The following ADGRV1 variants were observed in gnomAD, a reference collection of about 807,000 sequenced individuals.
ADGRV1 encodes the protein adhesion G protein-coupled receptor V1.
A neutral mutation model predicts 596.2 loss-of-function variants in ADGRV1; 359 were observed. The observed-to-expected ratio is 0.60, with a 90% confidence interval of 0.55 to 0.66. The LOEUF is 0.66. Among genes scored for constraint, ADGRV1 ranks in the 30% least tolerant of loss-of-function variants. The pLI is 0.00. For missense variants in ADGRV1, 7,274 were observed against 7,575.6 expected, an observed-to-expected ratio of 0.96 and a Z score of 1.48; for synonymous variants, 2,681 against 2,679.2, an observed-to-expected ratio of 1.00 and a Z score of -0.02.
chr5:90,900,947 A>AT (rs75371831), intron 83 of ADGRV1, among the ~76,000 whole-genome samples: 1 of 151,890 alleles, frequency 6.6e-6, no homozygotes, highest in South Asian at 2.1e-4. Context: ...TTGTTTTCAG[A>AT]TTTTTTCCCC....
intron 17 of ADGRV1, among the ~76,000 whole-genome samples, chr5:90,650,727 G>A (rs1224345057): frequency 6.6e-6 from 1 of 151,174 alleles, no homozygotes; most frequent in Non-Finnish European, 1.5e-5. Flanking sequence ...GTATGTGTAT[G>A]TGTGTGTGTG....
chr5:91,164,331 G>T lies in ADGRV1; in HGVS notation c.*431G>T. On this transcript the variant is annotated 3_prime_UTR_variant, in exon 90 of 90. Coordinates refer to ENST00000405460, the MANE Select transcript of ADGRV1 (RefSeq NM_032119.4). ...TGTGCCATCTTGCATGAATCCAGGTGATCCAGATTCAAGACTTCACTGCAA... is the reference window on the plus strand; with the variant it reads ...TGTGCCATCTTGCATGAATCCAGGTTATCCAGATTCAAGACTTCACTGCAA... 1 of 248,458 alleles carries T rather than the reference G, an allele frequency of 4.0e-6. No individual in the cohort carries two copies. Among genetic ancestry groups the T allele is most frequent in the Non-Finnish European group, 8.1e-6 (1 of 123,476 alleles). The allele number at this position is 248,458 out of a possible 1,614,324, so 15.4% of individuals were successfully genotyped here.
At chr5:90,759,331 C>T in intron 57 of ADGRV1, 78 bp from the exon 58 acceptor site, 1 of 1,082,404 alleles carries the variant, frequency 9.2e-7, no homozygotes, top group Non-Finnish European at 1.3e-6. Flanking sequence ...ACTGTGATTA[C>T]ATTATTTCTT....
chr5:91,103,889 T>C (rs1207579653), intron 87 of ADGRV1, among the ~76,000 whole-genome samples: 1 of 152,132 alleles, frequency 6.6e-6, no homozygotes, highest in East Asian at 1.9e-4. Context: ...ATGACTAATC[T>C]CGCCTAGATT....
intron 59 of ADGRV1, 119 bp from the exon 60 acceptor site, chr5:90,774,067 T>C (rs1292434203): frequency 2.3e-6 from 1 of 432,372 alleles, no homozygotes; most frequent in Non-Finnish European, 4.2e-6. Context: ...GTAATTCTAG[T>C]GACAAAAAAG....
At position 91,153,105 on chromosome 5, in the gene ADGRV1, C is replaced by T. The variant is rs1304549143; in HGVS notation, c.18625-116C>T. 4.0e-5 allele frequency: 30 copies of T among 746,872 alleles called. 1 individual carries two copies. In the East Asian group the frequency reaches 6.1e-4, roughly 15 times the overall value. 46.3% of individuals were successfully genotyped at this position (746,872 alleles called of 1,614,324 possible). A position where few individuals can be genotyped will look rare whatever the true frequency, so the allele number is the denominator to read the frequency against. ...TCTAGTTTCAAAACAATGCCACTGC[C>T]GTTTAGCAAGGTCTTTGTACGGAGA... On this transcript the variant is annotated intron_variant, in intron 88 of 89. Transcript: ENST00000405460.
At chr5:90,569,415 T>TTTTTTTTTTTTTTTC (rs1295993815) in intron 1 of ADGRV1, among the ~76,000 whole-genome samples, 4 of 105,646 alleles carry the variant, frequency 3.8e-5, no homozygotes, top group African/African-American at 1.8e-4. Flanking sequence ...TTTTTTTTTT[T>TTTTTTTTTTTTTTTC]CTCATTCTTA....
At chr5:90,568,615 G>T (rs1007893845) in intron 1 of ADGRV1, among the ~76,000 whole-genome samples, 1 of 152,134 alleles carries the variant, frequency 6.6e-6, no homozygotes, top group African/African-American at 2.4e-5. Flanking sequence ...CTATAGATGT[G>T]TATTAGGTCT....
chr5:90,778,717 A>G (rs1028074754), intron 63 of ADGRV1, 108 bp downstream of exon 63: 4 of 1,068,958 alleles, frequency 3.7e-6, no homozygotes, highest in African/African-American at 1.6e-5. Context: ...TTTGCTCCAA[A>G]CATCATTATT....
chr5:90,584,839 AC>A lies in ADGRV1; in HGVS notation c.22+25925del, dbSNP rs1758540082. Among the ~76,000 whole-genome samples, 3 of 152,170 alleles carry A rather than the reference AC, an allele frequency of 2.0e-5. No individual in the cohort carries two copies. In the South Asian group the frequency reaches 6.2e-4, roughly 32 times the overall value. ...ATTTTATTGTTCAAGTGGCCATAGAACCCACGTTTAAGAAGAGGGGATAAAC... is the reference window on the plus strand; with the variant it reads ...ATTTTATTGTTCAAGTGGCCATAGAACCACGTTTAAGAAGAGGGGATAAAC... On this transcript the variant is annotated intron_variant, in intron 1 of 89. Transcript: ENST00000405460.
chr5:91,028,803 A>G (rs905809374), intron 85 of ADGRV1, among the ~76,000 whole-genome samples: 21 of 142,928 alleles, frequency 1.5e-4, no homozygotes, highest in East Asian at 2.2e-4. Context: ...CAGTAGTGCA[A>G]TCATGTCTCA....
chr5:91,103,223 C>T (rs1791548322), intron 87 of ADGRV1, among the ~76,000 whole-genome samples: 1 of 152,094 alleles, frequency 6.6e-6, no homozygotes, highest in African/African-American at 2.4e-5. Context: ...TAATCAAGGA[C>T]ATTATCAACT....
chr5:91,102,657 A>T (rs1333000670), intron 87 of ADGRV1, among the ~76,000 whole-genome samples: 2 of 152,220 alleles, frequency 1.3e-5, no homozygotes, highest in East Asian at 3.8e-4. Flanking sequence ...AATGGCAGTC[A>T]TGTAAGATCA....
chr5:91,009,349 G>C (rs562295651), intron 85 of ADGRV1, among the ~76,000 whole-genome samples: 31 of 152,212 alleles, frequency 2.0e-4, no homozygotes, highest in African/African-American at 7.2e-4. Context: ...TTGCAATTCT[G>C]CCACAGGTCT....
chr5:90,942,366 T>C (rs1776232269), intron 83 of ADGRV1, among the ~76,000 whole-genome samples: 1 of 152,118 alleles, frequency 6.6e-6, no homozygotes, highest in Non-Finnish European at 1.5e-5. Flanking sequence ...AGGCTATAAC[T>C]TGAGTTATTC....
At chr5:90,731,848 AT>A (rs1399357244) in intron 50 of ADGRV1, among the ~76,000 whole-genome samples, 1 of 152,210 alleles carries the variant, frequency 6.6e-6, no homozygotes. Context: ...AATGACAGCA[AT>A]ATACTCATTA....
intron 83 of ADGRV1, chr5:90,929,725 A>G (rs1256281685): frequency 2.0e-5 from 3 of 152,090 alleles, no homozygotes; most frequent in Non-Finnish European, 4.4e-5. Flanking sequence ...TATTCTTTTT[A>G]TGTTACTATT....
chr5:90,594,502 T>TG, intron 1 of ADGRV1, among the ~76,000 whole-genome samples: 1 of 132,890 alleles, frequency 7.5e-6, no homozygotes, highest in African/African-American at 3.7e-5. Context: ...TTTTTTTTTT[T>TG]TTTTAATCAT....
intron 83 of ADGRV1, among the ~76,000 whole-genome samples, chr5:90,910,300 C>T (rs1468049619): frequency 6.6e-6 from 1 of 152,190 alleles, no homozygotes; most frequent in Non-Finnish European, 1.5e-5. Context: ...TCAGATATAA[C>T]CGAACTTCTA....
Sources: allele counts gnomAD v4.1 joint callset (sites outside exome capture counted in the v4.1 genomes callset), GRCh38; gene constraint gnomAD v4.1.1; transcripts MANE v1.5; gene names NCBI Gene and HGNC (gene_info 2026-07-23, HGNC 2026-07-21).